The following SNTG1 variants were observed in gnomAD, a reference collection of about 807,000 sequenced individuals.
SNTG1 encodes gamma-1-syntrophin.
A neutral mutation model predicts 74.7 loss-of-function variants in SNTG1; 39 were observed. That is an observed-to-expected ratio of 0.52 (90% CI 0.40 to 0.68). The LOEUF (loss-of-function observed/expected upper bound fraction) is 0.68, where lower values mean the gene tolerates loss of function less well. Ranked by LOEUF, SNTG1 falls within the 30% of genes least tolerant of loss-of-function variation. The pLI is 0.00. For missense variants in SNTG1, 685 were observed against 609.5 expected, an observed-to-expected ratio of 1.12 and a Z score of -1.30; for synonymous variants, 254 against 217.1, an observed-to-expected ratio of 1.17 and a Z score of -1.49.
intron 2 of SNTG1, among the ~76,000 whole-genome samples, chr8:50,243,560 T>A (rs1313587719): frequency 6.6e-6 from 1 of 152,146 alleles, no homozygotes; most frequent in Non-Finnish European, 1.5e-5. Flanking sequence ...TACCACTGAT[T>A]AACCATTTTT....
intron 2 of SNTG1, among the ~76,000 whole-genome samples, chr8:50,199,752 C>A (rs1256869495): frequency 1.3e-5 from 2 of 152,158 alleles, no homozygotes; most frequent in Admixed American, 6.5e-5. Flanking sequence ...GGGTGCGAGT[C>A]AGCCAACAGC....
At chr8:50,155,787 T>C (rs1318174885) in intron 1 of SNTG1, among the ~76,000 whole-genome samples, 3 of 151,768 alleles carry the variant, frequency 2.0e-5, no homozygotes, top group Admixed American at 6.6e-5. Flanking sequence ...TCAAGGTAAG[T>C]TGAAGAAAAC....
chr8:50,746,674 A>G (rs1461305034), intron 17 of SNTG1, among the ~76,000 whole-genome samples: 1 of 151,678 alleles, frequency 6.6e-6, no homozygotes, highest in Non-Finnish European at 1.5e-5. Context: ...TAATCTGCTG[A>G]TATTAGTTTA....
intron 1 of SNTG1, among the ~76,000 whole-genome samples, chr8:49,959,060 AT>A (rs35317018): frequency 1.3e-5 from 2 of 152,118 alleles, no homozygotes; most frequent in African/African-American, 4.8e-5. Context: ...GCTCTTTTGA[AT>A]TTTTTTGTTT....
intron 2 of SNTG1, among the ~76,000 whole-genome samples, chr8:50,386,564 T>G (rs1232489998): frequency 7.2e-5 from 11 of 152,066 alleles, no homozygotes; most frequent in Admixed American, 7.2e-4. Context: ...CAGGCTAATT[T>G]ATAAAGAAAA....
intron 4 of SNTG1, among the ~76,000 whole-genome samples, chr8:50,431,638 T>G (rs1447484316): frequency 2.6e-5 from 4 of 152,186 alleles, no homozygotes; most frequent in Non-Finnish European, 5.9e-5. Flanking sequence ...TCTTTTGCAT[T>G]CACACCAATA....
chr8:50,770,520 T>C (rs1563822928), intron 18 of SNTG1, among the ~76,000 whole-genome samples: 1 of 152,036 alleles, frequency 6.6e-6, no homozygotes, highest in Non-Finnish European at 1.5e-5. Flanking sequence ...CTGAAGGGTG[T>C]GGGCTGGGCT....
intron 1 of SNTG1, among the ~76,000 whole-genome samples, chr8:50,055,916 T>C (rs1002214242): frequency 6.6e-5 from 10 of 152,138 alleles, no homozygotes; most frequent in Non-Finnish European, 1.5e-4. Context: ...TATGTTGCTG[T>C]CTTTTTATTG....
chr8:50,725,689 C>T (rs749272907), intron 17 of SNTG1, among the ~76,000 whole-genome samples: 6 of 152,112 alleles, frequency 3.9e-5, no homozygotes, highest in Non-Finnish European at 8.8e-5. Flanking sequence ...CACCAACTGG[C>T]TCATGAGCAG....
chr8:50,015,531 C>T (rs1816229519), intron 1 of SNTG1, among the ~76,000 whole-genome samples: 1 of 151,962 alleles, frequency 6.6e-6, no homozygotes, highest in African/African-American at 2.4e-5. Flanking sequence ...TGTTAATGTA[C>T]ACATTCAAGA....
intron 17 of SNTG1, among the ~76,000 whole-genome samples, chr8:50,738,037 T>C (rs1406336002): frequency 6.6e-6 from 1 of 152,060 alleles, no homozygotes; most frequent in African/African-American, 2.4e-5. Context: ...CAATTCAAGA[T>C]AGTATTGGAA....
intron 1 of SNTG1, among the ~76,000 whole-genome samples, chr8:50,045,487 A>G (rs889293637): frequency 9.2e-5 from 14 of 152,098 alleles, no homozygotes; most frequent in Admixed American, 7.9e-4. Context: ...CCATGATCCA[A>G]TCACCTCCCA....
intron 1 of SNTG1, among the ~76,000 whole-genome samples, chr8:49,951,315 T>G (rs1307903036): frequency 6.6e-6 from 1 of 152,202 alleles, no homozygotes; most frequent in Non-Finnish European, 1.5e-5. Flanking sequence ...ATTAAGACAA[T>G]GCCTAGTGGC....
chr8:50,368,053 GAA>G (rs2092165413), intron 2 of SNTG1, among the ~76,000 whole-genome samples: 1 of 152,222 alleles, frequency 6.6e-6, no homozygotes, highest in Middle Eastern at 3.4e-3. Context: ...GGATCGGGAG[GAA>G]AAGAGGAGAG....
intron 2 of SNTG1, among the ~76,000 whole-genome samples, chr8:50,293,044 A>AGAATTGT: frequency 6.6e-6 from 1 of 152,308 alleles, no homozygotes; most frequent in South Asian, 2.1e-4. Flanking sequence ...AGGAGGGTCC[A>AGAATTGT]GAATTGTGTT....
At chr8:50,222,982 T>C (rs1301654202) in intron 2 of SNTG1, among the ~76,000 whole-genome samples, 1 of 152,110 alleles carries the variant, frequency 6.6e-6, no homozygotes, top group Admixed American at 6.6e-5. Context: ...AGAGAAAGAA[T>C]AGTCAATAGA....
intron 2 of SNTG1, among the ~76,000 whole-genome samples, chr8:50,294,620 C>T (rs111679631): frequency 0.026 from 3,976 of 152,244 alleles, 80 homozygotes; most frequent in Non-Finnish European, 0.04. Context: ...CTAGTGAGGC[C>T]TTCAACAGAT....
chr8:50,559,017 A>G (rs1337743893), intron 12 of SNTG1, among the ~76,000 whole-genome samples: 1 of 152,178 alleles, frequency 6.6e-6, no homozygotes, highest in Non-Finnish European at 1.5e-5. Context: ...TAGGTTTGTT[A>G]CAAAGGTGTA....
chr8:49,988,760 T>C (rs1331682082), intron 1 of SNTG1, among the ~76,000 whole-genome samples: 1 of 152,070 alleles, frequency 6.6e-6, no homozygotes, highest in Non-Finnish European at 1.5e-5. Flanking sequence ...TATTAATGCA[T>C]AGAACTTAAG....
Sources: allele counts gnomAD v4.1 joint callset (sites outside exome capture counted in the v4.1 genomes callset), GRCh38; gene constraint gnomAD v4.1.1; transcripts MANE v1.5; gene names NCBI Gene and HGNC (gene_info 2026-07-23, HGNC 2026-07-21).